Variants in SLC66A2 observed in about 807,000 individuals in gnomAD.
SLC66A2 encodes solute carrier family 66 member 2, also known as PQ loop repeat containing 1.
Under a neutral mutation model 25.5 loss-of-function variants are expected in SLC66A2, and 23 were observed. The observed-to-expected ratio is 0.90, with a 90% CI of 0.65 to 1.28. The LOEUF is 1.28. Among genes scored for constraint, SLC66A2 ranks in the 50% most tolerant of loss-of-function variants. SLC66A2 has a pLI of 0.00. For synonymous variants in SLC66A2, 193 were observed against 166.5 expected (o/e 1.16, Z -1.23); for missense variants, 396 against 373.1 (o/e 1.06, Z -0.51).
At chr18:79,914,894 G>A (rs577138629) in intron 5 of SLC66A2, among the ~76,000 whole-genome samples, 8 of 152,376 alleles carry the variant, frequency 5.3e-5, no homozygotes, top group South Asian at 2.1e-4. Context: ...GCCAGGTGGC[G>A]TCTCAGGTTG....
chr18:79,918,542 C>T lies in SLC66A2; in HGVS notation c.608+642G>A, dbSNP rs1394017590. Among the ~76,000 whole-genome samples, 1 of 152,174 alleles carries T rather than the reference C, an allele frequency of 6.6e-6. No homozygotes were observed. The highest frequency in any genetic ancestry group is 1.5e-5 in the Non-Finnish European group (1 of 68,022). On this transcript the variant is annotated intron_variant, in intron 5 of 5. Coordinates refer to ENST00000397778, the MANE Select transcript of SLC66A2 (RefSeq NM_025078.5). This position sits in a 1 kb window ranked among gnomAD's most constrained non-coding sequence, Gnocchi z 4.0. ...AAGTGTGAGGGACTAGAGTTTTCTG[C>T]CCCCGCCACAGCGAGCAGATCTGTT...
At chr18:79,907,334 G>GTTTT (rs57635823) in intron 5 of SLC66A2, among the ~76,000 whole-genome samples, 145 of 116,892 alleles carry the variant, frequency 1.2e-3, no homozygotes, top group East Asian at 6.7e-3. Context: ...TCTTTGTATA[G>GTTTT]TTTTTTTTTT....
intron 3 of SLC66A2, 44 bp downstream of exon 3, chr18:79,943,285 G>C (rs377562226): frequency 1.2e-6 from 2 of 1,600,026 alleles, no homozygotes. Context: ...AGTCACCTAC[G>C]CCCTGATTCC....
Position 79,940,200 on chromosome 18 carries a change from G to C in SLC66A2, c.337+3129C>G, listed in dbSNP as rs1987530092. On this transcript the variant is annotated intron_variant, in intron 3 of 5. Transcript: ENST00000397778. The surrounding 1 kb of genome is among the most constrained non-coding windows in gnomAD (Gnocchi z 4.1). ...AATGATGAGAACACATGGACACACA[G>C]AGGGGAACAACAGCCACTAGAGCCT... Among the ~76,000 whole-genome samples, 1 of 152,184 alleles carries C rather than the reference G, an allele frequency of 6.6e-6. No homozygotes were observed. The highest frequency in any genetic ancestry group is 1.5e-5 in the Non-Finnish European group (1 of 68,024).
In SLC66A2 at chr18:79,950,790, G is replaced by A. The variant is rs1333416057; in HGVS notation, c.137C>T (p.Ala46Val). Reference protein sequence around the residue: ...QYRDIRRTQNADGFSTYVCLV... With the variant: ...QYRDIRRTQNVDGFSTYVCLV... ...GCACACGTAGGTGGAGAAGCCGTCG[G>A]CGTTCTGCGTCCTGCGAATGTCCCG... Residue 46 changes from alanine (A) to valine (V), a missense_variant, in exon 2 of 6, where the codon GCC becomes GTC. By Grantham distance (64) the Ala-to-Val change is moderately conservative. Transcript: ENST00000397778. 1 of 1,613,084 alleles carries A rather than the reference G, an allele frequency of 6.2e-7. No homozygotes were observed. The highest frequency in any genetic ancestry group is 1.3e-5 in the African/African-American group (1 of 74,946).
intron 2 of SLC66A2, among the ~76,000 whole-genome samples, chr18:79,950,061 G>A (rs1321040256): frequency 6.6e-6 from 1 of 152,198 alleles, no homozygotes; most frequent in Non-Finnish European, 1.5e-5. Context: ...AAATAAGGCA[G>A]GCCAGGCGCC....
chr18:79,948,255 C>T (rs992209874), intron 2 of SLC66A2, among the ~76,000 whole-genome samples: 2 of 152,258 alleles, frequency 1.3e-5, no homozygotes, highest in Non-Finnish European at 2.9e-5. Flanking sequence ...ACCTCTACGT[C>T]AGTGCCAGTT....
At chr18:79,923,493 A>G (rs1047901115) in intron 4 of SLC66A2, among the ~76,000 whole-genome samples, 1 of 152,172 alleles carries the variant, frequency 6.6e-6, no homozygotes, top group Non-Finnish European at 1.5e-5. Context: ...CCCAGGAAGG[A>G]GTCAATTGGC....
At position 79,904,225 on chromosome 18, in the gene SLC66A2, C is replaced by T. The variant is rs761130810; in HGVS notation, c.609-42G>A. The T allele has an allele frequency of 2.2e-5, 34 of 1,570,884 alleles. No individual in the cohort carries two copies. Among genetic ancestry groups the T allele is most frequent in the Admixed American group, 6.7e-5 (4 of 59,532 alleles). On this transcript the variant is annotated intron_variant, in intron 5 of 5. Transcript: ENST00000397778. This position sits in a 1 kb window ranked among gnomAD's most constrained non-coding sequence, Gnocchi z 6.3. ...AGGCGGTCAGCGGTGGGGAGGGCGG[C>T]GACCTGGGCTCAGTCAGTGGGGAGG...
Position 79,940,778 on chromosome 18 carries a change from A to C in SLC66A2, c.337+2551T>G, listed in dbSNP as rs945882976. 1.3e-5 allele frequency among the ~76,000 whole-genome samples: 2 copies of C among 152,166 alleles called. No homozygotes were observed. Among genetic ancestry groups the C allele is most frequent in the Non-Finnish European group, 2.9e-5 (2 of 68,026 alleles). ...AGGGGACGTGGACATGTATAAACTC[A>C]AACCGGACTCCAATATTAAGAGTGC... On this transcript the variant is annotated intron_variant, in intron 3 of 5. Transcript: ENST00000397778. This position sits in a 1 kb window ranked among gnomAD's most constrained non-coding sequence, Gnocchi z 4.1.
At chr18:79,916,700 G>A (rs571919646) in intron 5 of SLC66A2, among the ~76,000 whole-genome samples, 14 of 152,352 alleles carry the variant, frequency 9.2e-5, no homozygotes, top group Non-Finnish European at 1.3e-4. Context: ...CCCACTCCAC[G>A]AGACCGAGCT....
intron 4 of SLC66A2, among the ~76,000 whole-genome samples, chr18:79,922,771 G>T (rs1985402158): frequency 6.7e-6 from 1 of 150,062 alleles, no homozygotes; most frequent in Non-Finnish European, 1.5e-5. Flanking sequence ...CAGGGGTGGG[G>T]TGATGGGAGG....
intron 4 of SLC66A2, among the ~76,000 whole-genome samples, chr18:79,928,591 C>T (rs186396851): frequency 6.6e-6 from 1 of 152,162 alleles, no homozygotes; most frequent in Non-Finnish European, 1.5e-5. Flanking sequence ...AAACGCTTAT[C>T]CAAGAAAACC....
chr18:79,929,251 A>C (rs1190883427), intron 4 of SLC66A2, among the ~76,000 whole-genome samples: 1 of 152,186 alleles, frequency 6.6e-6, no homozygotes, highest in Non-Finnish European at 1.5e-5. Flanking sequence ...TGTGGGGAAT[A>C]CATCCCCCAG....
At chr18:79,931,456 AC>A (rs1568322965) in intron 4 of SLC66A2, among the ~76,000 whole-genome samples, 1 of 152,258 alleles carries the variant, frequency 6.6e-6, no homozygotes, top group Non-Finnish European at 1.5e-5. Flanking sequence ...ATATGCATAT[AC>A]GTCCCTAACA....
intron 5 of SLC66A2, among the ~76,000 whole-genome samples, chr18:79,916,623 A>C (rs891904156): frequency 2.0e-5 from 3 of 152,108 alleles, no homozygotes; most frequent in Non-Finnish European, 4.4e-5. Context: ...CTCCGGGGAG[A>C]GCTGAATTTG....
chr18:79,943,301 A>ACTTTATT (rs774427450), intron 3 of SLC66A2, 28 bp downstream of exon 3: 24 of 1,611,238 alleles, frequency 1.5e-5, no homozygotes, highest in Non-Finnish European at 2.0e-5. Context: ...ATTCCCTGCG[A>ACTTTATT]CTTTATTCCG....
intron 2 of SLC66A2, 33 bp downstream of exon 2, chr18:79,950,691 G>T (rs200332963): frequency 6.2e-7 from 1 of 1,607,884 alleles, no homozygotes; most frequent in East Asian, 2.2e-5. Flanking sequence ...CTCTTCTCCG[G>T]GTGCAGCCCA....
In SLC66A2 at chr18:79,937,614, G is replaced by A. The variant is rs1987230002; in HGVS notation, c.338-3592C>T. Among the ~76,000 whole-genome samples the A allele has an allele frequency of 6.6e-6, 1 of 152,188 alleles. No homozygotes were observed. The highest frequency in any genetic ancestry group is 1.5e-5 in the Non-Finnish European group (1 of 68,038). ...AACATCCTGCAGCCCCTGATGAGCTGACGGCCTCAGCATGAGCCCCACAGT... is the reference window on the plus strand; with the variant it reads ...AACATCCTGCAGCCCCTGATGAGCTAACGGCCTCAGCATGAGCCCCACAGT... On this transcript the variant is annotated intron_variant, in intron 3 of 5. Transcript: ENST00000397778. This position sits in a 1 kb window ranked among gnomAD's most constrained non-coding sequence, Gnocchi z 5.4.
Sources: gnomAD v4.1 joint callset for allele counts (sites outside exome capture counted in the v4.1 genomes callset) on GRCh38, gnomAD v4.1.1 for gene constraint, Gnocchi (gnomAD v3.1) non-coding constraint, MANE v1.5 for transcripts, NCBI Gene and HGNC (gene_info 2026-07-23, HGNC 2026-07-21) for gene names.